The following FBN2 variants were observed in gnomAD, a reference collection of about 807,000 sequenced individuals.
FBN2 encodes the protein fibrillin 2, also known as fibrillin-2.
FBN2 carries 105 observed loss-of-function variants against 355.6 expected under a neutral mutation model. The ratio of observed to expected loss-of-function variants is 0.30; its 90% CI spans 0.25 to 0.35. The LOEUF is 0.35. FBN2 is among the 10% of genes least tolerant of loss of function. FBN2 has a pLI of 1.00. For missense variants in FBN2, 3,280 were observed against 3,758.7 expected (o/e 0.87, Z 3.33); for synonymous variants, 1,350 against 1,301.2 (o/e 1.04, Z -0.81).
At chr5:128,312,504 A>C (rs151274645) in intron 37 of FBN2, 130 bp downstream of exon 37, 2 of 909,846 alleles carry the variant, frequency 2.2e-6, no homozygotes, top group Non-Finnish European at 1.7e-6. Context: ...GTGATCACTG[A>C]AAGTAGTTCA....
intron 7 of FBN2, among the ~76,000 whole-genome samples, chr5:128,438,972 A>G (rs1753847188): frequency 6.6e-6 from 1 of 152,142 alleles, no homozygotes; most frequent in South Asian, 2.1e-4. Context: ...ACACACACAC[A>G]TACACACACA....
intron 7 of FBN2, among the ~76,000 whole-genome samples, chr5:128,416,113 A>G (rs1753191495): frequency 6.8e-6 from 1 of 147,156 alleles, no homozygotes; most frequent in Admixed American, 6.9e-5. Context: ...CGCAACCTCT[A>G]CCTCCCAGTT....
chr5:128,395,555 G>T (rs1752628624), intron 8 of FBN2, among the ~76,000 whole-genome samples: 1 of 152,200 alleles, frequency 6.6e-6, no homozygotes, highest in African/African-American at 2.4e-5. Flanking sequence ...CCTCAGCCTG[G>T]AGATGCGCAC....
At chr5:128,470,555 G>C (rs1192177174) in intron 5 of FBN2, among the ~76,000 whole-genome samples, 1 of 151,680 alleles carries the variant, frequency 6.6e-6, no homozygotes, top group Non-Finnish European at 1.5e-5. Flanking sequence ...TGTCAGATGT[G>C]GGGGAAAAAA....
At chr5:128,456,614 T>C (rs1754401765) in intron 6 of FBN2, among the ~76,000 whole-genome samples, 1 of 152,048 alleles carries the variant, frequency 6.6e-6, no homozygotes, top group African/African-American at 2.4e-5. Flanking sequence ...CTCTCTAGTC[T>C]CCTTGAGTGA....
At chr5:128,293,632 C>T (rs934809194) in intron 48 of FBN2, among the ~76,000 whole-genome samples, 1 of 151,920 alleles carries the variant, frequency 6.6e-6, no homozygotes, top group African/African-American at 2.4e-5. Flanking sequence ...TAAAAGCTAT[C>T]CATACTTTCA....
intron 5 of FBN2, among the ~76,000 whole-genome samples, chr5:128,500,112 T>C (rs1243320750): frequency 2.6e-5 from 4 of 152,166 alleles, no homozygotes; most frequent in Non-Finnish European, 5.9e-5. Context: ...CCTGGCTTTC[T>C]GTGTGACTTT....
intron 7 of FBN2, 96 bp from the exon 8 acceptor site, chr5:128,408,895 G>A: frequency 7.5e-7 from 1 of 1,328,552 alleles, no homozygotes. Flanking sequence ...AGCATTCATG[G>A]TTGATTAGGT....
intron 18 of FBN2, among the ~76,000 whole-genome samples, chr5:128,363,335 A>T: frequency 6.6e-6 from 1 of 151,970 alleles, no homozygotes; most frequent in African/African-American, 2.4e-5. Context: ...GATTACAGGC[A>T]CGTGCCACCA....
intron 6 of FBN2, among the ~76,000 whole-genome samples, chr5:128,462,269 T>A (rs1438044864): frequency 6.6e-6 from 1 of 152,226 alleles, no homozygotes; most frequent in Non-Finnish European, 1.5e-5. Context: ...ACTGTTTTTT[T>A]AATGACATAT....
chr5:128,525,904 C>A (rs935466865), intron 4 of FBN2, among the ~76,000 whole-genome samples: 16 of 152,230 alleles, frequency 1.1e-4, no homozygotes, highest in African/African-American at 3.6e-4. Flanking sequence ...TGAAACACAT[C>A]CTAGCTCTTT....
chr5:128,269,277 A>G (rs930022761), intron 62 of FBN2, among the ~76,000 whole-genome samples: 1 of 143,370 alleles, frequency 7.0e-6, no homozygotes, highest in East Asian at 2.8e-4. Flanking sequence ...AATAATAATA[A>G]TAATAGTAAT....
intron 23 of FBN2, among the ~76,000 whole-genome samples, chr5:128,347,049 C>T (rs779330642): frequency 7.2e-5 from 11 of 152,084 alleles, no homozygotes; most frequent in East Asian, 1.9e-4. Context: ...TAGCTGGTTC[C>T]GTCCCATATG....
chr5:128,342,010 G>T (rs1366245047), intron 25 of FBN2, among the ~76,000 whole-genome samples: 3 of 152,160 alleles, frequency 2.0e-5, no homozygotes, highest in Admixed American at 6.5e-5. Context: ...GTACAGGGTA[G>T]GGGGAAGAGC....
chr5:128,304,888 T>C (rs199792578), intron 45 of FBN2, 69 bp downstream of exon 45: 60 of 1,598,706 alleles, frequency 3.8e-5, no homozygotes, highest in Non-Finnish European at 5.1e-5. Context: ...TCATGGCACT[T>C]GATGGAACTG....
intron 48 of FBN2, among the ~76,000 whole-genome samples, chr5:128,299,897 G>T (rs1581199272): frequency 6.9e-6 from 1 of 145,342 alleles, no homozygotes; most frequent in East Asian, 2.1e-4. Context: ...TAGTATTATT[G>T]TTTATTATTT....
Position 128,350,849 on chromosome 5 carries a change from C to T in FBN2, c.2812+19G>A, listed in dbSNP as rs1751335077. On this transcript the variant is annotated intron_variant, in intron 21 of 64. Coordinates refer to ENST00000262464, the MANE Select transcript of FBN2 (RefSeq NM_001999.4). ...AAGTTTCCAAGGAGAAGCCCAGAAG[C>T]TCCCAATAAGGCTCCTACCTAGTTC... is the stretch of plus-strand genomic sequence containing the variant. 12 of 1,613,832 alleles carry T rather than the reference C, an allele frequency of 7.4e-6. No homozygotes were observed. The highest frequency in any genetic ancestry group is 1.0e-5 in the Non-Finnish European group (12 of 1,179,986).
At chr5:128,481,772 G>C (rs868802280) in intron 5 of FBN2, among the ~76,000 whole-genome samples, 2 of 151,892 alleles carry the variant, frequency 1.3e-5, no homozygotes, top group Non-Finnish European at 1.5e-5. Context: ...AAAATTTTTA[G>C]TGGAAAAAAA....
chr5:128,266,759 T>C (rs974686651), intron 62 of FBN2, among the ~76,000 whole-genome samples: 1 of 152,056 alleles, frequency 6.6e-6, no homozygotes, highest in Non-Finnish European at 1.5e-5. Context: ...AACAAGTCCA[T>C]GGTATTTACT....
Sources: allele counts gnomAD v4.1 joint callset (sites outside exome capture counted in the v4.1 genomes callset), GRCh38; gene constraint gnomAD v4.1.1; transcripts MANE v1.5; gene names NCBI Gene and HGNC (gene_info 2026-07-23, HGNC 2026-07-21).